MARCHF1: variants seen among roughly 807,000 people sequenced by gnomAD.
The protein encoded by MARCHF1 is membrane associated ring-CH-type finger 1, also known as E3 ubiquitin-protein ligase MARCHF1.
In MARCHF1, 40 loss-of-function variants were observed where a neutral mutation model predicts 54.2. The ratio of observed to expected loss-of-function variants is 0.74; its 90% CI spans 0.57 to 0.96. The LOEUF is 0.96. Among genes scored for constraint, MARCHF1 ranks in the 40% least tolerant of loss-of-function variants. The pLI, the probability that MARCHF1 is intolerant of heterozygous loss-of-function variation, is 0.00. For synonymous variants in MARCHF1, 236 were observed against 236.3 expected (o/e 1.00, Z 0.01); for missense variants, 586 against 656.5 (o/e 0.89, Z 1.17).
chr4:164,328,919 T>C (rs1337388739), intron 1 of MARCHF1, among the ~76,000 whole-genome samples: 1 of 152,326 alleles, frequency 6.6e-6, no homozygotes, highest in East Asian at 1.9e-4. Flanking sequence ...AAAAGATTCC[T>C]AGTTTAAGCA....
chr4:163,997,129 A>G (rs1025024001), intron 2 of MARCHF1, among the ~76,000 whole-genome samples: 22 of 152,016 alleles, frequency 1.4e-4, no homozygotes, highest in African/African-American at 5.3e-4. Flanking sequence ...GGAAGAGAAG[A>G]CAGAGGATGA....
intron 4 of MARCHF1, among the ~76,000 whole-genome samples, chr4:163,706,964 A>G (rs1744966516): frequency 6.6e-6 from 1 of 152,104 alleles, no homozygotes; most frequent in Non-Finnish European, 1.5e-5. Flanking sequence ...AGATGTAAGA[A>G]TCTCACATAT....
chr4:164,050,303 A>G (rs892026770), intron 2 of MARCHF1, among the ~76,000 whole-genome samples: 1 of 149,058 alleles, frequency 6.7e-6, no homozygotes, highest in African/African-American at 2.5e-5. Context: ...AAAAAAAAAA[A>G]AAGGCCCTAG....
At chr4:163,778,585 T>C (rs905684337) in intron 4 of MARCHF1, among the ~76,000 whole-genome samples, 4 of 152,188 alleles carry the variant, frequency 2.6e-5, no homozygotes, top group African/African-American at 9.6e-5. Context: ...TTTAAAATCA[T>C]GAATGGAATC....
intron 1 of MARCHF1, chr4:164,196,879 A>G: frequency 8.5e-7 from 1 of 1,172,672 alleles, no homozygotes; most frequent in Non-Finnish European, 1.2e-6. Context: ...CAATCAGAAA[A>G]AAGTAAGTTT....
chr4:163,578,718 T>G (rs890099139), intron 8 of MARCHF1, among the ~76,000 whole-genome samples: 1 of 152,188 alleles, frequency 6.6e-6, no homozygotes, highest in Non-Finnish European at 1.5e-5. Flanking sequence ...GCTCTCTCTT[T>G]GAATTGCCTG....
At chr4:163,771,313 T>C (rs979884422) in intron 4 of MARCHF1, among the ~76,000 whole-genome samples, 4 of 152,176 alleles carry the variant, frequency 2.6e-5, no homozygotes, top group Non-Finnish European at 5.9e-5. Flanking sequence ...AAAATGTCAA[T>C]AGTGCTGAGG....
intron 7 of MARCHF1, among the ~76,000 whole-genome samples, chr4:163,588,374 T>TCATAGCATA (rs1482107352): frequency 1.3e-5 from 2 of 152,208 alleles, no homozygotes; most frequent in Non-Finnish European, 2.9e-5. Context: ...CAGTTTAGTG[T>TCATAGCATA]CATAGCATAG....
chr4:163,725,462 A>G (rs1354072084), intron 4 of MARCHF1, among the ~76,000 whole-genome samples: 2 of 150,820 alleles, frequency 1.3e-5, no homozygotes, highest in Non-Finnish European at 2.9e-5. Context: ...TGTGCAACAG[A>G]GTGAGACACT....
chr4:164,276,798 GAGT>G (rs1733893456), intron 1 of MARCHF1, among the ~76,000 whole-genome samples: 1 of 149,300 alleles, frequency 6.7e-6, no homozygotes, highest in Admixed American at 6.7e-5. Context: ...GTTTATTTCT[GAGT>G]AGAAGAATAT....
At chr4:163,947,209 C>G (rs1340516952) in intron 3 of MARCHF1, among the ~76,000 whole-genome samples, 3 of 152,090 alleles carry the variant, frequency 2.0e-5, no homozygotes, top group Non-Finnish European at 4.4e-5. Context: ...AACTCAGTTA[C>G]AAATATATTG....
At chr4:164,003,502 G>C (rs1753225948) in intron 2 of MARCHF1, among the ~76,000 whole-genome samples, 1 of 152,000 alleles carries the variant, frequency 6.6e-6, no homozygotes, top group Non-Finnish European at 1.5e-5. Context: ...GAAATATCAT[G>C]TAAACACTAT....
At chr4:164,102,648 C>T (rs1016605038) in intron 2 of MARCHF1, among the ~76,000 whole-genome samples, 24 of 151,548 alleles carry the variant, frequency 1.6e-4, no homozygotes, top group South Asian at 4.2e-4. Context: ...CGGCACCAGC[C>T]GCTGCAAAAT....
intron 4 of MARCHF1, among the ~76,000 whole-genome samples, chr4:163,754,728 C>CT (rs5863625): frequency 1.7e-4 from 25 of 149,892 alleles, no homozygotes; most frequent in South Asian, 6.3e-4. Flanking sequence ...GTTAAAGACT[C>CT]TTTTTTTTTT....
chr4:163,983,473 A>C (rs1752800717), intron 3 of MARCHF1, among the ~76,000 whole-genome samples: 1 of 152,214 alleles, frequency 6.6e-6, no homozygotes, highest in African/African-American at 2.4e-5. Context: ...CACCCAATGT[A>C]TATTCCATCT....
chr4:163,623,540 G>A (rs1361799330), intron 5 of MARCHF1, among the ~76,000 whole-genome samples: 1 of 152,116 alleles, frequency 6.6e-6, no homozygotes, highest in South Asian at 2.1e-4. Context: ...ATGGGACGGC[G>A]TTAACACCTC....
chr4:164,142,112 A>G (rs1437899035), intron 1 of MARCHF1, among the ~76,000 whole-genome samples: 1 of 152,222 alleles, frequency 6.6e-6, no homozygotes, highest in African/African-American at 2.4e-5. Flanking sequence ...TGCTTTTCCA[A>G]CGGGCTTAAA....
At chr4:163,799,597 C>A (rs1036538042) in intron 4 of MARCHF1, among the ~76,000 whole-genome samples, 3 of 152,080 alleles carry the variant, frequency 2.0e-5, no homozygotes, top group Non-Finnish European at 4.4e-5. Context: ...CAGTTCTCAA[C>A]AAGATTCCGG....
At chr4:163,813,917 A>G (rs1486787444) in intron 4 of MARCHF1, among the ~76,000 whole-genome samples, 1 of 152,118 alleles carries the variant, frequency 6.6e-6, no homozygotes, top group Non-Finnish European at 1.5e-5. Context: ...GCTCTATGCC[A>G]AAGGGTGGAA....
Sources: allele counts gnomAD v4.1 joint callset (sites outside exome capture counted in the v4.1 genomes callset), GRCh38; gene constraint gnomAD v4.1.1; transcripts MANE v1.5; gene names NCBI Gene and HGNC (gene_info 2026-07-23, HGNC 2026-07-21).